Variants in CREB1 observed in about 807,000 individuals in gnomAD.
CREB1 encodes the protein cyclic AMP-responsive element-binding protein 1.
Under a neutral mutation model 42.0 loss-of-function variants are expected in CREB1, and 2 were observed. The ratio of observed to expected loss-of-function variants is 0.05; its 90% CI spans 0.02 to 0.15. The LOEUF (loss-of-function observed/expected upper bound fraction) is 0.15, where lower values mean the gene tolerates loss of function less well. CREB1 is among the 10% of genes least tolerant of loss of function. CREB1 has a pLI of 1.00. For synonymous variants in CREB1, 123 were observed against 139.9 expected, an observed-to-expected ratio of 0.88 and a Z score of 0.85; for missense variants, 199 against 388.9, an observed-to-expected ratio of 0.51 and a Z score of 4.11.
At chr2:207,577,835 T>G in intron 7 of CREB1, 180 bp downstream of exon 7, 2 of 670,402 alleles carry the variant, frequency 3.0e-6, no homozygotes, top group Non-Finnish European at 5.1e-6. Context: ...AAGATAGCTG[T>G]ATGATTATGG....
rs556610483 is a variant in CREB1, at chr2:207,604,177, C to T, written c.*7119C>T. ...CTTGGACCTTCAGGAAAAGATTGCC[C>T]ATCTTGTCATTTGACCAGGCACTGA... On this transcript the variant is annotated 3_prime_UTR_variant, in exon 8 of 8. Coordinates refer to ENST00000353267, the MANE Select transcript of CREB1 (RefSeq NM_004379.5). 3.3e-5 allele frequency among the ~76,000 whole-genome samples: 5 copies of T among 152,312 alleles called. No individual in the cohort carries two copies. The highest frequency in any genetic ancestry group is 1.2e-4 in the African/African-American group (5 of 41,570).
At chr2:207,571,582 T>A (rs145469450) in intron 5 of CREB1, among the ~76,000 whole-genome samples, 31 of 152,316 alleles carry the variant, frequency 2.0e-4, no homozygotes, top group Non-Finnish European at 3.4e-4. Context: ...CTTCTTAAGA[T>A]CTTTGTGGCA....
chr2:207,574,779 A>G (rs934223643), intron 5 of CREB1, among the ~76,000 whole-genome samples: 7 of 152,208 alleles, frequency 4.6e-5, no homozygotes, highest in Non-Finnish European at 8.8e-5. Flanking sequence ...AGGGAATACA[A>G]TGCACTGATG....
chr2:207,602,966 G>A lies in CREB1; in HGVS notation c.*5908G>A, dbSNP rs943842340. The A allele has an allele frequency of 1.9e-5, 4 of 214,534 alleles. No individual in the cohort carries two copies. Among genetic ancestry groups the A allele is most frequent in the African/African-American group, 9.0e-5 (4 of 44,360 alleles). The allele number at this position is 214,534 out of a possible 1,614,324, so 13.3% of individuals were successfully genotyped here. On this transcript the variant is annotated 3_prime_UTR_variant, in exon 8 of 8. Transcript: ENST00000353267. The stretch of plus-strand genomic sequence containing the variant: ...TTTTAGAAGCAAAATAATCAGGGAA[G>A]TTCCTAGAAAGGTGTTTGGCTTTTT...
At chr2:207,561,234 G>A in intron 3 of CREB1, 1 of 1,304,378 alleles carries the variant, frequency 7.7e-7, no homozygotes, top group Non-Finnish European at 1.1e-6. Flanking sequence ...TTATGTCTTT[G>A]TCCTTTTCCT....
chr2:207,574,769 A>C (rs2082508469), intron 5 of CREB1, among the ~76,000 whole-genome samples: 1 of 152,226 alleles, frequency 6.6e-6, no homozygotes, highest in Non-Finnish European at 1.5e-5. Flanking sequence ...TACAAGAGTT[A>C]GGGAATACAA....
rs566218984 is a variant in CREB1, at chr2:207,565,481, AG to A, written c.262-1980del. ...TGACAAAATCTTACAGGTCAGAGAA[AG>A]GCAACCTTTTTTTTTTTTTTCATTA... On this transcript the variant is annotated intron_variant, in intron 3 of 7. Coordinates refer to ENST00000353267, the MANE Select transcript of CREB1 (RefSeq NM_004379.5). Among the ~76,000 whole-genome samples the A allele has an allele frequency of 2.4e-3, 365 of 151,888 alleles. 1 individual carries two copies. The highest frequency in any genetic ancestry group is 4.3e-3 in the Non-Finnish European group (289 of 67,950).
At chr2:207,593,759 C>T (rs973483338) in intron 7 of CREB1, among the ~76,000 whole-genome samples, 2 of 149,710 alleles carry the variant, frequency 1.3e-5, no homozygotes, top group Non-Finnish European at 3.0e-5. Flanking sequence ...ACACCTATCA[C>T]CCAGGCTGGA....
chr2:207,543,614 A>G (rs1049590861), intron 1 of CREB1, among the ~76,000 whole-genome samples: 1 of 151,640 alleles, frequency 6.6e-6, no homozygotes, highest in Non-Finnish European at 1.5e-5. Context: ...TTATTTATTT[A>G]TTTATTTATT....
intron 1 of CREB1, among the ~76,000 whole-genome samples, chr2:207,552,836 G>C (rs1034533135): frequency 1.3e-5 from 2 of 151,924 alleles, no homozygotes; most frequent in Admixed American, 1.3e-4. Context: ...AGCTGATCTC[G>C]AACTCCTGAT....
At position 207,540,669 on chromosome 2, in the gene CREB1, T is replaced by TAAAAAAAA. The variant is rs35714520; in HGVS notation, c.-9+10556_-9+10563dup. The stretch of plus-strand genomic sequence containing the variant: ...AAGTTTAACAAAAAAGTTTAAAAAG[T>TAAAAAAAA]AAAAAAAAAAAAAAAAAAAAAAAAA... On this transcript the variant is annotated intron_variant, in intron 1 of 7. Transcript: ENST00000353267. Among the ~76,000 whole-genome samples the TAAAAAAAA allele has an allele frequency of 7.1e-3, 459 of 64,204 alleles. 1 individual carries two copies. The highest frequency in any genetic ancestry group is 0.016 in the African/African-American group (227 of 14,292). The allele number at this position is 64,204 out of a possible 152,430, so 42.1% of individuals were successfully genotyped here. A position where few individuals can be genotyped will look rare whatever the true frequency, so the allele number is the denominator to read the frequency against.
At chr2:207,588,752 G>A (rs898716037) in intron 7 of CREB1, among the ~76,000 whole-genome samples, 2 of 149,848 alleles carry the variant, frequency 1.3e-5, no homozygotes, top group African/African-American at 4.9e-5. Context: ...TGTGTGTGGG[G>A]GTGGGGGGAC....
intron 2 of CREB1, among the ~76,000 whole-genome samples, chr2:207,556,965 C>T (rs1376559726): frequency 6.6e-6 from 1 of 152,040 alleles, no homozygotes; most frequent in Admixed American, 6.6e-5. Context: ...GGTGAAACCC[C>T]ATCTCTACTA....
intron 1 of CREB1, among the ~76,000 whole-genome samples, chr2:207,530,807 A>G (rs540819824): frequency 6.6e-6 from 1 of 151,890 alleles, no homozygotes; most frequent in South Asian, 2.1e-4. Context: ...TTTGTGCAAT[A>G]AAGTTCGAAA....
chr2:207,557,754 A>G (rs964909829), intron 2 of CREB1, among the ~76,000 whole-genome samples: 3 of 152,230 alleles, frequency 2.0e-5, no homozygotes, highest in African/African-American at 7.2e-5. Context: ...GCTATGGGTG[A>G]TAGGAATATA....
intron 2 of CREB1, among the ~76,000 whole-genome samples, chr2:207,557,742 T>G (rs1376003918): frequency 2.0e-5 from 3 of 152,186 alleles, no homozygotes; most frequent in Non-Finnish European, 4.4e-5. Context: ...TAAAAGTGAT[T>G]AGCTATGGGT....
At chr2:207,549,523 A>G (rs751698176) in intron 1 of CREB1, among the ~76,000 whole-genome samples, 2 of 152,206 alleles carry the variant, frequency 1.3e-5, no homozygotes, top group Non-Finnish European at 2.9e-5. Context: ...ATCGTGTAGC[A>G]CCTGAACATT....
chr2:207,572,713 G>A (rs2082418528), intron 5 of CREB1, among the ~76,000 whole-genome samples: 1 of 152,080 alleles, frequency 6.6e-6, no homozygotes, highest in Non-Finnish European at 1.5e-5. Flanking sequence ...CTACTCGGGA[G>A]GCTGAGGCAG....
At chr2:207,555,575 C>A in intron 1 of CREB1, 53 bp from the exon 2 acceptor site, 2 of 1,178,428 alleles carry the variant, frequency 1.7e-6, no homozygotes, top group Admixed American at 2.1e-5. Context: ...CCTTTAAAGT[C>A]ACGAAAGCAC....
Sources: allele counts gnomAD v4.1 joint callset (sites outside exome capture counted in the v4.1 genomes callset), GRCh38; gene constraint gnomAD v4.1.1; transcripts MANE v1.5; gene names NCBI Gene and HGNC (gene_info 2026-07-23, HGNC 2026-07-21).